The following ERO1B variants were observed in gnomAD, a reference collection of about 807,000 sequenced individuals.
ERO1B encodes endoplasmic reticulum oxidoreductase 1 beta, also known as ERO1-like protein beta.
Under a neutral mutation model 75.3 loss-of-function variants are expected in ERO1B, and 49 were observed. The observed-to-expected ratio is 0.65, with a 90% CI of 0.52 to 0.83. The LOEUF (loss-of-function observed/expected upper bound fraction) is 0.83, where lower values mean the gene tolerates loss of function less well. ERO1B is among the 40% of genes least tolerant of loss of function. ERO1B has a pLI of 0.00. For synonymous variants in ERO1B, 191 were observed against 192.9 expected, an observed-to-expected ratio of 0.99 and a Z score of 0.08; for missense variants, 512 against 560.1, an observed-to-expected ratio of 0.91 and a Z score of 0.87.
chr1:236,217,654 CT>C lies in ERO1B; in HGVS notation c.*861del, dbSNP rs1327209578. 5.9e-5 allele frequency: 9 copies of C among 152,558 alleles called. No homozygotes were observed. The highest frequency in any genetic ancestry group is 8.8e-5 in the Non-Finnish European group (6 of 67,994). The allele number at this position is 152,558 out of a possible 1,614,324, so 9.5% of individuals were successfully genotyped here. A position where few individuals can be genotyped will look rare whatever the true frequency, so the allele number is the denominator to read the frequency against. ...CATTTAAATTTTATCAAGAAGTAAT[CT>C]GTTAAATATTTCTGCAGTGTTTTCT... On this transcript the variant is annotated 3_prime_UTR_variant, in exon 16 of 16. Transcript: ENST00000354619.
intron 2 of ERO1B, among the ~76,000 whole-genome samples, chr1:236,265,929 A>G (rs146674832): frequency 2.0e-5 from 3 of 152,344 alleles, no homozygotes; most frequent in East Asian, 3.9e-4. Flanking sequence ...TTACATTAGC[A>G]TAAATACCTT....
intron 5 of ERO1B, among the ~76,000 whole-genome samples, chr1:236,246,606 G>C (rs1404049675): frequency 2.6e-5 from 4 of 152,140 alleles, no homozygotes; most frequent in Non-Finnish European, 1.5e-5. Flanking sequence ...CCAAAAACAT[G>C]AATGAATCTC....
intron 10 of ERO1B, among the ~76,000 whole-genome samples, 171 bp from the exon 11 acceptor site, chr1:236,226,910 T>G (rs907159690): frequency 5.3e-5 from 8 of 152,138 alleles, no homozygotes; most frequent in Non-Finnish European, 7.4e-5. Context: ...CAAAGTAAGA[T>G]TTTGGCTTCA....
At chr1:236,265,047 C>T (rs1280608665) in intron 2 of ERO1B, among the ~76,000 whole-genome samples, 2 of 147,382 alleles carry the variant, frequency 1.4e-5, no homozygotes, top group African/African-American at 5.0e-5. Flanking sequence ...ATTTTTTTCT[C>T]TTTTTTTTTT....
intron 6 of ERO1B, among the ~76,000 whole-genome samples, chr1:236,240,907 G>A (rs942594359): frequency 2.0e-5 from 3 of 152,154 alleles, no homozygotes; most frequent in South Asian, 4.1e-4. Flanking sequence ...CTTACACAGC[G>A]AGATGAGAGC....
chr1:236,243,098 C>T (rs551650889), intron 6 of ERO1B, among the ~76,000 whole-genome samples: 17 of 152,288 alleles, frequency 1.1e-4, no homozygotes, highest in African/African-American at 3.8e-4. Flanking sequence ...GTTTTGGATT[C>T]GGATATGGGA....
Position 236,239,821 on chromosome 1 carries a change from A to ATG in ERO1B, c.506-3425_506-3424dup, listed in dbSNP as rs1217469279. Among the ~76,000 whole-genome samples, 5 of 125,570 alleles carry ATG rather than the reference A, an allele frequency of 4.0e-5. No homozygotes were observed. In the East Asian group the frequency reaches 1.4e-3, roughly 35 times the overall value. The allele number at this position is 125,570 out of a possible 152,430, so 82.4% of individuals were successfully genotyped here. On this transcript the variant is annotated intron_variant, in intron 6 of 15. Transcript: ENST00000354619. ...TATATATATATGTGTGTATATATAT[A>ATG]TGTGTATATATATGTGTATATATAT...
intron 1 of ERO1B, among the ~76,000 whole-genome samples, chr1:236,280,710 C>CA (rs1181501020): frequency 6.6e-6 from 1 of 152,196 alleles, no homozygotes; most frequent in Non-Finnish European, 1.5e-5. Flanking sequence ...CGGTTACACT[C>CA]AGAGTCACCT....
At chr1:236,258,125 G>A (rs200940865) in intron 2 of ERO1B, among the ~76,000 whole-genome samples, 3 of 9,204 alleles carry the variant, frequency 3.3e-4, no homozygotes, top group Non-Finnish European at 6.0e-4. Context: ...GAGAGAGAGA[G>A]AAAGAAAAAA....
chr1:236,260,385 C>T (rs1314147825), intron 2 of ERO1B, among the ~76,000 whole-genome samples: 17 of 152,156 alleles, frequency 1.1e-4, no homozygotes, highest in Admixed American at 8.5e-4. Context: ...AGGCACTGGG[C>T]GCAGTGGCTC....
At chr1:236,229,245 C>T (rs1010847369) in intron 10 of ERO1B, among the ~76,000 whole-genome samples, 6 of 151,858 alleles carry the variant, frequency 4.0e-5, no homozygotes, top group Non-Finnish European at 4.4e-5. Context: ...GCCAACACGG[C>T]GAAACCTCAT....
intron 2 of ERO1B, among the ~76,000 whole-genome samples, chr1:236,264,836 A>G (rs1208508947): frequency 1.3e-5 from 2 of 151,922 alleles, no homozygotes; most frequent in African/African-American, 4.8e-5. Flanking sequence ...CAAAGGTGAG[A>G]CTGTCTCCAA....
intron 4 of ERO1B, among the ~76,000 whole-genome samples, chr1:236,250,637 C>CAT (rs199794022): frequency 0.31 from 35,563 of 115,966 alleles, 5,647 homozygotes; most frequent in East Asian, 0.44. Context: ...TGTGTGCAAA[C>CAT]ATATATATAT....
chr1:236,242,373 G>A (rs1265656459), intron 6 of ERO1B, among the ~76,000 whole-genome samples: 2 of 132,592 alleles, frequency 1.5e-5, no homozygotes, highest in African/African-American at 3.0e-5. Flanking sequence ...GGCTTGCTTT[G>A]ATAAAAGTTT....
chr1:236,218,395 A>G lies in ERO1B; in HGVS notation c.*121T>C. On this transcript the variant is annotated 3_prime_UTR_variant, in exon 16 of 16. Transcript: ENST00000354619. ...CATAAATATTCAAGTGAGCATTTAA[A>G]TTTTCTATTTAATAGTTCAGAATTC... The G allele has an allele frequency of 1.1e-6, 1 of 913,120 alleles. No individual in the cohort carries two copies. Among genetic ancestry groups the G allele is most frequent in the Non-Finnish European group, 1.4e-6 (1 of 696,032 alleles). The allele number at this position is 913,120 out of a possible 1,614,324, so 56.6% of individuals were successfully genotyped here.
intron 4 of ERO1B, among the ~76,000 whole-genome samples, 165 bp downstream of exon 4, chr1:236,251,885 C>T (rs1361223732): frequency 6.6e-6 from 1 of 152,106 alleles, no homozygotes; most frequent in Admixed American, 6.5e-5. Flanking sequence ...TAGAAATGTA[C>T]AATCTATCTG....
chr1:236,236,249 T>C (rs1271143588), intron 7 of ERO1B, 29 bp downstream of exon 7: 1 of 1,611,792 alleles, frequency 6.2e-7, no homozygotes, highest in Non-Finnish European at 8.5e-7. Context: ...CTATCAGTCG[T>C]TCCTTCTTCC....
chr1:236,268,515 T>G (rs1368087464), intron 2 of ERO1B, among the ~76,000 whole-genome samples: 1 of 152,188 alleles, frequency 6.6e-6, no homozygotes, highest in South Asian at 2.1e-4. Context: ...ATAGATAGAT[T>G]GATCAATCGA....
At position 236,215,210 on chromosome 1, in the gene ERO1B, A is replaced by AG. The variant is rs1352508712; in HGVS notation, c.*3305dup. Among the ~76,000 whole-genome samples the AG allele has an allele frequency of 6.6e-6, 1 of 152,240 alleles. No homozygotes were observed. Among genetic ancestry groups the AG allele is most frequent in the Admixed American group, 6.5e-5 (1 of 15,280 alleles). ...ACTTACAAAATGTCACAAAGGTTCTAGAATCAGTCTTTCTCGTCTCAAATT... is the reference window on the plus strand; with the variant it reads ...ACTTACAAAATGTCACAAAGGTTCTAGGAATCAGTCTTTCTCGTCTCAAATT... On this transcript the variant is annotated 3_prime_UTR_variant, in exon 16 of 16. Coordinates refer to ENST00000354619, the MANE Select transcript of ERO1B (RefSeq NM_019891.4).
Sources: gnomAD v4.1 joint callset for allele counts (sites outside exome capture counted in the v4.1 genomes callset) on GRCh38, gnomAD v4.1.1 for gene constraint, MANE v1.5 for transcripts, NCBI Gene and HGNC (gene_info 2026-07-23, HGNC 2026-07-21) for gene names.